Variants in PIR observed in about 807,000 individuals in gnomAD.
PIR encodes the protein pirin.
In PIR, 22 loss-of-function variants were observed where a neutral mutation model predicts 24.2. The observed-to-expected ratio is 0.91, with a 90% confidence interval of 0.65 to 1.30. PIR has a LOEUF of 1.30. Ranked by LOEUF, PIR falls within the 50% of genes most tolerant of loss-of-function variation. The pLI, the probability that PIR is intolerant of heterozygous loss-of-function variation, is 0.00. For missense variants in PIR, 220 were observed against 220.3 expected (o/e 1.00, Z 0.01); for synonymous variants, 80 against 79.6 (o/e 1.00, Z -0.03).
At chrX:15,412,809 G>A (rs1188080418) in intron 6 of PIR, among the ~76,000 whole-genome samples, 1 of 111,990 alleles carries the variant, frequency 8.9e-6, no homozygotes, top group African/African-American at 3.2e-5. Flanking sequence ...GGAGAACCAC[G>A]GAAAACAAAC....
chrX:15,433,608 GAAGGAGAAAGAAGGAGGAGA>G (rs1925602027), intron 5 of PIR, among the ~76,000 whole-genome samples: 1 of 99,255 alleles, frequency 1.0e-5, no homozygotes, highest in Non-Finnish European at 2.0e-5. Flanking sequence ...AAGAGAGGAG[GAAGGAGAAAGAAGGAGGAGA>G]AAGGAGAAAG....
At chrX:15,443,676 T>A (rs991504316) in intron 5 of PIR, among the ~76,000 whole-genome samples, 4 of 111,935 alleles carry the variant, frequency 3.6e-5, no homozygotes, top group Non-Finnish European at 7.5e-5. Context: ...GATTCACTGC[T>A]CTAGATGCCA....
At position 15,385,101 on chromosome X, in the gene PIR, T is replaced by A; in HGVS notation, c.776A>T (p.Asn259Ile). The change falls in exon 10 of 10, where the codon AAC becomes ATC. Residue 259 changes from asparagine (N) to isoleucine (I), a missense_variant. Asn to Ile is a moderately radical substitution (Grantham distance 149). Transcript: ENST00000380420. ...PVIQHGPFVM[N>I]TNEEISQAIL... ...AGCTTGAGAAATCTCTTCATTGGTG[T>A]TCATCACAAATGGACCTAGGGCAGA... 1.7e-6 allele frequency: 2 copies of A among 1,161,682 alleles called. No individual in the cohort carries two copies. Among genetic ancestry groups the A allele is most frequent in the South Asian group, 3.6e-5 (2 of 55,158 alleles).
rs557411161 is a variant in PIR at position 15,477,907 on chromosome X, G to GTT, written c.189+1820_189+1821dup. ...GTAAATGAACTGACAAATAATTACA[G>GTT]TTACAGTTTTAAAGAAAATTCTTAA... On this transcript the variant is annotated intron_variant, in intron 3 of 9. Coordinates refer to ENST00000380420, the MANE Select transcript of PIR (RefSeq NM_001018109.3). 8.5e-4 allele frequency among the ~76,000 whole-genome samples: 94 copies of GTT among 110,805 alleles called. No homozygotes were observed. The South Asian group carries it at 0.013, about 15-fold the overall frequency.
chrX:15,433,557 A>G (rs1412915934), intron 5 of PIR, among the ~76,000 whole-genome samples: 2 of 102,424 alleles, frequency 2.0e-5, no homozygotes, highest in African/African-American at 3.6e-5. Context: ...AGAGAAAGAA[A>G]GAAAGAGAGA....
chrX:15,446,029 C>T (rs1480706262), intron 5 of PIR, among the ~76,000 whole-genome samples: 4 of 109,033 alleles, frequency 3.7e-5, no homozygotes, highest in Non-Finnish European at 7.6e-5. Flanking sequence ...CGGGGTTTCA[C>T]CATGTTAGCC....
intron 8 of PIR, 52 bp from the exon 9 acceptor site, chrX:15,390,303 T>C (rs773533376): frequency 2.9e-6 from 2 of 692,157 alleles, no homozygotes; most frequent in East Asian, 3.4e-5. Flanking sequence ...TTTTTGAAGA[T>C]CAAATTGTGA....
At chrX:15,400,086 C>T (rs973673627) in intron 7 of PIR, among the ~76,000 whole-genome samples, 1 of 111,930 alleles carries the variant, frequency 8.9e-6, no homozygotes, top group Non-Finnish European at 1.9e-5. Flanking sequence ...ACACAATCAG[C>T]TCCTGCAAGC....
intron 2 of PIR, among the ~76,000 whole-genome samples, chrX:15,480,236 T>C (rs367793595): frequency 9.1e-6 from 1 of 110,360 alleles, no homozygotes. Context: ...CCTTCCACCA[T>C]GAATGTGAGG....
At chrX:15,466,272 A>G (rs5934243) in intron 3 of PIR, among the ~76,000 whole-genome samples, 50,600 of 110,418 alleles carry the variant, frequency 0.46, 8,486 homozygotes, top group African/African-American at 0.52. Flanking sequence ...CCAACCCCAC[A>G]TACGCACCTT....
chrX:15,466,006 GTTTT>G (rs200803758), intron 3 of PIR, among the ~76,000 whole-genome samples: 2,158 of 62,901 alleles, frequency 0.034, 10 homozygotes, highest in Non-Finnish European at 0.04. Flanking sequence ...AATGGTGGCT[GTTTT>G]TTTTTTTTTT....
At chrX:15,420,424 G>A (rs1925092982) in intron 6 of PIR, among the ~76,000 whole-genome samples, 2 of 111,520 alleles carry the variant, frequency 1.8e-5, no homozygotes, top group African/African-American at 6.5e-5. Context: ...TATTCTATAT[G>A]CTGCTAATAG....
intron 9 of PIR, among the ~76,000 whole-genome samples, chrX:15,386,165 AG>A (rs898261534): frequency 8.9e-5 from 10 of 112,395 alleles, no homozygotes; most frequent in African/African-American, 2.9e-4. Flanking sequence ...GCCTGCTCTA[AG>A]GGGCTTTCTC....
At chrX:15,487,694 A>C (rs1602307367) in intron 2 of PIR, among the ~76,000 whole-genome samples, 1 of 112,242 alleles carries the variant, frequency 8.9e-6, no homozygotes, top group East Asian at 2.8e-4. Flanking sequence ...ACTCCCTAGC[A>C]CCTATGCTAC....
At chrX:15,429,371 A>T (rs1407645122) in intron 5 of PIR, 1 of 112,192 alleles carries the variant, frequency 8.9e-6, no homozygotes, top group Non-Finnish European at 1.9e-5. Flanking sequence ...AGTGTGAAAA[A>T]GTCTAAGAGG....
chrX:15,486,450 A>G (rs2147088520), intron 2 of PIR, among the ~76,000 whole-genome samples: 1 of 110,495 alleles, frequency 9.1e-6, no homozygotes, highest in South Asian at 3.9e-4. Flanking sequence ...GGCCGATGCT[A>G]TGCTTTTTTA....
chrX:15,489,657 C>T (rs913298252), intron 2 of PIR, among the ~76,000 whole-genome samples: 1 of 111,925 alleles, frequency 8.9e-6, no homozygotes, highest in African/African-American at 3.3e-5. Context: ...TGCAGGTATC[C>T]TTCAGAAAAC....
chrX:15,447,610 G>A (rs993006441), intron 5 of PIR, among the ~76,000 whole-genome samples: 2 of 111,895 alleles, frequency 1.8e-5, no homozygotes, highest in Non-Finnish European at 3.8e-5. Context: ...GAGCCACCAC[G>A]CCCGGCTGCT....
intron 7 of PIR, among the ~76,000 whole-genome samples, chrX:15,405,374 T>G (rs1156976661): frequency 8.9e-6 from 1 of 112,446 alleles, no homozygotes; most frequent in East Asian, 2.8e-4. Context: ...CCACCCAATT[T>G]GTTTATGTAT....
Sources: allele counts gnomAD v4.1 joint callset (sites outside exome capture counted in the v4.1 genomes callset), GRCh38; gene constraint gnomAD v4.1.1; transcripts MANE v1.5; gene names NCBI Gene and HGNC (gene_info 2026-07-23, HGNC 2026-07-21).